AUTS2: variants seen among roughly 807,000 people sequenced by gnomAD.
The protein encoded by AUTS2 is autism susceptibility gene 2 protein.
A neutral mutation model predicts 112.4 loss-of-function variants in AUTS2; 17 were observed. That is an observed-to-expected ratio of 0.15 (90% CI 0.10 to 0.23). The LOEUF (loss-of-function observed/expected upper bound fraction) is 0.23. AUTS2 is among the 10% of genes least tolerant of loss of function. AUTS2 has a pLI of 1.00. For synonymous variants in AUTS2, 751 were observed against 702.7 expected, an observed-to-expected ratio of 1.07 and a Z score of -1.09; for missense variants, 1,510 against 1,701.6, an observed-to-expected ratio of 0.89 and a Z score of 1.98.
intron 4 of AUTS2, among the ~76,000 whole-genome samples, chr7:70,361,731 G>A (rs1792278052): frequency 6.6e-6 from 1 of 152,172 alleles, no homozygotes; most frequent in Non-Finnish European, 1.5e-5. Flanking sequence ...AATTCAGGGA[G>A]TAAGTAATAC....
intron 4 of AUTS2, among the ~76,000 whole-genome samples, chr7:70,301,739 A>C (rs1183109726): frequency 8.5e-5 from 13 of 152,126 alleles, no homozygotes; most frequent in African/African-American, 3.1e-4. Context: ...AAAATGCCAT[A>C]CTAAAGTCCA....
intron 10 of AUTS2, 96 bp downstream of exon 10, chr7:70,768,164 T>A (rs1340819783): frequency 8.1e-7 from 1 of 1,233,570 alleles, no homozygotes; most frequent in Non-Finnish European, 1.1e-6. Context: ...CCTTCCTTAA[T>A]CATCTTTGCA....
At position 70,740,097 on chromosome 7, in the gene AUTS2, G is replaced by T. The variant is rs1354729696; in HGVS notation, c.743-22773G>T. Among the ~76,000 whole-genome samples, 5 of 152,206 alleles carry T rather than the reference G, an allele frequency of 3.3e-5. No homozygotes were observed. In the East Asian group the frequency reaches 5.8e-4, roughly 18 times the overall value. On this transcript the variant is annotated intron_variant, in intron 6 of 18. Coordinates refer to ENST00000342771, the MANE Select transcript of AUTS2 (RefSeq NM_015570.4). ...TGATTCTCCCAGTGGAGCTTAATCA[G>T]TACCTGTCATCCCCATTTTCCCAGT...
At chr7:70,143,141 G>T (rs1806949423) in intron 4 of AUTS2, among the ~76,000 whole-genome samples, 1 of 152,078 alleles carries the variant, frequency 6.6e-6, no homozygotes, top group African/African-American at 2.4e-5. Context: ...TTGAAAAAGA[G>T]GTTAAAAAAC....
chr7:69,625,324 A>G (rs1015056503), intron 1 of AUTS2, among the ~76,000 whole-genome samples: 5 of 152,108 alleles, frequency 3.3e-5, no homozygotes, highest in African/African-American at 1.2e-4. Context: ...CCTTGCGTTT[A>G]TTTACAAGTT....
intron 6 of AUTS2, among the ~76,000 whole-genome samples, chr7:70,752,394 C>T (rs954380354): frequency 6.6e-6 from 1 of 152,166 alleles, no homozygotes; most frequent in Non-Finnish European, 1.5e-5. Context: ...CTCTACATAT[C>T]ACATCACAGG....
chr7:70,620,120 C>A (rs377291513), intron 5 of AUTS2, among the ~76,000 whole-genome samples: 35 of 152,084 alleles, frequency 2.3e-4, no homozygotes, highest in African/African-American at 6.8e-4. Context: ...AAGTCAGGAC[C>A]CGCTTTCTTT....
At chr7:69,659,019 C>CT (rs1795668799) in intron 1 of AUTS2, among the ~76,000 whole-genome samples, 1 of 152,162 alleles carries the variant, frequency 6.6e-6, no homozygotes, top group Admixed American at 6.5e-5. Context: ...TTTTAAGATA[C>CT]TTAGGTAAAA....
At chr7:70,472,549 A>C (rs896881747) in intron 5 of AUTS2, among the ~76,000 whole-genome samples, 6 of 152,164 alleles carry the variant, frequency 3.9e-5, no homozygotes, top group Admixed American at 2.0e-4. Context: ...AAGTGTACTA[A>C]AATATTTTTT....
intron 2 of AUTS2, among the ~76,000 whole-genome samples, chr7:69,975,959 T>C (rs536369400): frequency 6.6e-6 from 1 of 152,326 alleles, no homozygotes; most frequent in African/African-American, 2.4e-5. Context: ...ATTACAGGCT[T>C]GAACCATCTC....
intron 1 of AUTS2, among the ~76,000 whole-genome samples, chr7:69,621,833 T>TCAAGAGTGAG: frequency 6.6e-6 from 1 of 152,276 alleles, no homozygotes; most frequent in African/African-American, 2.4e-5. Flanking sequence ...AGAAAGTATT[T>TCAAGAGTGAG]GAGGAAATAC....
intron 5 of AUTS2, among the ~76,000 whole-genome samples, chr7:70,661,842 G>A (rs779705106): frequency 4.6e-5 from 7 of 152,008 alleles, no homozygotes; most frequent in Non-Finnish European, 1.0e-4. Flanking sequence ...TTTTACTTGA[G>A]GTACGGGAAT....
chr7:70,213,726 C>T (rs1317442005), intron 4 of AUTS2, among the ~76,000 whole-genome samples: 2 of 152,114 alleles, frequency 1.3e-5, no homozygotes, highest in Non-Finnish European at 2.9e-5. Flanking sequence ...GTACTCATGT[C>T]TTCTCTCTTA....
intron 2 of AUTS2, among the ~76,000 whole-genome samples, chr7:70,048,927 T>C (rs1188575507): frequency 1.3e-5 from 2 of 152,250 alleles, no homozygotes; most frequent in African/African-American, 2.4e-5. Context: ...CTTGACTTTT[T>C]TAAAAAACTT....
At chr7:70,457,656 G>T (rs988002592) in intron 5 of AUTS2, among the ~76,000 whole-genome samples, 1 of 152,178 alleles carries the variant, frequency 6.6e-6, no homozygotes, top group Non-Finnish European at 1.5e-5. Context: ...AGAGGTGGGG[G>T]TGGTGGAGGG....
chr7:70,595,604 C>T (rs759848732), intron 5 of AUTS2, among the ~76,000 whole-genome samples: 3 of 152,102 alleles, frequency 2.0e-5, no homozygotes, highest in Non-Finnish European at 4.4e-5. Context: ...GGAATGAGGA[C>T]ACCCGGCGTC....
intron 5 of AUTS2, among the ~76,000 whole-genome samples, chr7:70,657,163 G>A (rs946674265): frequency 6.6e-6 from 1 of 152,166 alleles, no homozygotes; most frequent in African/African-American, 2.4e-5. Context: ...GAGTGGCTGC[G>A]GTTGCCAGTC....
At chr7:70,224,399 CAATAT>C (rs1239133034) in intron 4 of AUTS2, among the ~76,000 whole-genome samples, 196 of 136,988 alleles carry the variant, frequency 1.4e-3, no homozygotes, top group Admixed American at 2.0e-3. Context: ...CAATACAATA[CAATAT>C]AATACCATAC....
intron 1 of AUTS2, among the ~76,000 whole-genome samples, chr7:69,876,475 A>G (rs1793788037): frequency 1.2e-5 from 1 of 83,344 alleles, no homozygotes; most frequent in Non-Finnish European, 2.3e-5. Flanking sequence ...TATACATAAA[A>G]TATTTTGTGT....
Sources: allele counts gnomAD v4.1 joint callset (sites outside exome capture counted in the v4.1 genomes callset), GRCh38; gene constraint gnomAD v4.1.1; transcripts MANE v1.5; gene names NCBI Gene and HGNC (gene_info 2026-07-23, HGNC 2026-07-21).